Variants in EAF2 observed in about 807,000 individuals in gnomAD.
EAF2 encodes the protein ELL associated factor 2.
Under a neutral mutation model 29.4 loss-of-function variants are expected in EAF2, and 29 were observed. That is an observed-to-expected ratio of 0.99 (90% confidence interval 0.73 to 1.35). The LOEUF is 1.35. Among genes scored for constraint, EAF2 ranks in the 40% most tolerant of loss-of-function variants. The pLI, the probability that EAF2 is intolerant of heterozygous loss-of-function variation, is 0.00. For missense variants in EAF2, 292 were observed against 312.0 expected (o/e 0.94, Z 0.48); for synonymous variants, 103 against 102.5 (o/e 1.00, Z -0.03).
At chr3:121,873,420 A>G (rs1440539127) in intron 5 of EAF2, among the ~76,000 whole-genome samples, 1 of 151,750 alleles carries the variant, frequency 6.6e-6, no homozygotes, top group African/African-American at 2.4e-5. Flanking sequence ...TGCCTCCTCT[A>G]TATTTCTCAA....
chr3:121,880,455 G>GGTGTGTGTGT lies in EAF2; in HGVS notation c.737-5858_737-5849dup, dbSNP rs58834177. 1.4e-3 allele frequency among the ~76,000 whole-genome samples: 196 copies of GGTGTGTGTGT among 143,064 alleles called. 2 individuals are homozygous for GGTGTGTGTGT. Among genetic ancestry groups the GGTGTGTGTGT allele is most frequent in the African/African-American group, 4.8e-3 (183 of 37,760 alleles). 93.9% of individuals were successfully genotyped at this position (143,064 alleles called of 152,430 possible). A position where few individuals can be genotyped will look rare whatever the true frequency, so the allele number is the denominator to read the frequency against. ...ACTGTCCTGGACCTTAGTGTTTTGG[G>GGTGTGTGTGT]GTGTGTGTGTGTGTGTGTGTGTGTG... On this transcript the variant is annotated intron_variant, in intron 5 of 5. Coordinates refer to ENST00000273668, the MANE Select transcript of EAF2 (RefSeq NM_018456.6).
chr3:121,848,913 T>A lies in EAF2; in HGVS notation c.201+4366T>A, dbSNP rs768498274. 7.1e-4 allele frequency among the ~76,000 whole-genome samples: 107 copies of A among 151,614 alleles called. 1 individual carries two copies. Among genetic ancestry groups the A allele is most frequent in the Non-Finnish European group, 1.1e-3 (74 of 67,906 alleles). ...ACACAAAAAAAAGAGAATGAAAGAG[T>A]TATTTAGATCACCATCTGTCAAAAG... is the stretch of plus-strand genomic sequence containing the variant. On this transcript the variant is annotated intron_variant, in intron 2 of 5. Coordinates refer to ENST00000273668, the MANE Select transcript of EAF2 (RefSeq NM_018456.6).
chr3:121,857,199 T>C, intron 4 of EAF2, 43 bp downstream of exon 4: 1 of 1,524,946 alleles, frequency 6.6e-7, no homozygotes, highest in Non-Finnish European at 8.9e-7. Flanking sequence ...AAGAGATAAT[T>C]AAGAAATGTT....
intron 4 of EAF2, among the ~76,000 whole-genome samples, chr3:121,866,741 T>G (rs1303282824): frequency 6.7e-6 from 1 of 150,112 alleles, no homozygotes; most frequent in Admixed American, 6.7e-5. Context: ...ATAAAAAAAA[T>G]AAAAAATAAA....
intron 1 of EAF2, among the ~76,000 whole-genome samples, chr3:121,841,515 AAAAAAAAAAAAAAAAAAAAAAAAAAAAAG>A (rs1243000801): frequency 1.1e-4 from 4 of 37,860 alleles, no homozygotes; most frequent in Non-Finnish European, 9.1e-5. Context: ...AAAAAAAAAA[AAAAAAAAAAAAAAAAAAAAAAAAAAAAAG>A]AAAGAAAGAA....
At chr3:121,853,222 A>T (rs1194563919) in intron 2 of EAF2, among the ~76,000 whole-genome samples, 2 of 152,182 alleles carry the variant, frequency 1.3e-5, no homozygotes, top group Non-Finnish European at 2.9e-5. Context: ...CCATGCTATT[A>T]TCACAAATAA....
At position 121,886,444 on chromosome 3, in the gene EAF2, TAAC is replaced by T; in HGVS notation, c.*59_*61del. 9.2e-7 allele frequency: 1 copy of T among 1,086,090 alleles called. No homozygotes were observed. The highest frequency in any genetic ancestry group is 1.2e-6 in the Non-Finnish European group (1 of 800,118). 67.3% of individuals were successfully genotyped at this position (1,086,090 alleles called of 1,614,324 possible). A position where few individuals can be genotyped will look rare whatever the true frequency, so the allele number is the denominator to read the frequency against. On this transcript the variant is annotated 3_prime_UTR_variant, in exon 6 of 6. Transcript: ENST00000273668. ...ACAGCATGTATAATTTATTTTGTAT[TAAC>T]AATAAAAATTCCTAAGACTGAGGGA...
chr3:121,861,970 A>C (rs981683255), intron 4 of EAF2, among the ~76,000 whole-genome samples: 6 of 152,140 alleles, frequency 3.9e-5, no homozygotes, highest in East Asian at 1.9e-4. Context: ...GTTGCAAATT[A>C]TTTTCTTTAA....
intron 5 of EAF2, among the ~76,000 whole-genome samples, chr3:121,878,907 CA>C (rs1709146215): frequency 6.6e-6 from 1 of 152,116 alleles, no homozygotes; most frequent in African/African-American, 2.4e-5. Flanking sequence ...ATATACCTAG[CA>C]GTGAGATTGC....
At chr3:121,853,579 A>G (rs1423192863) in intron 2 of EAF2, among the ~76,000 whole-genome samples, 1 of 152,194 alleles carries the variant, frequency 6.6e-6, no homozygotes, top group Non-Finnish European at 1.5e-5. Flanking sequence ...CTGGTACTAC[A>G]GTGCCTGCAC....
chr3:121,885,434 T>C (rs1709266066), intron 5 of EAF2, among the ~76,000 whole-genome samples: 2 of 152,258 alleles, frequency 1.3e-5, no homozygotes, highest in Admixed American at 6.5e-5. Context: ...CAACCGGTTT[T>C]AAGTTAGTTG....
chr3:121,869,999 G>C (rs1035273733), intron 4 of EAF2, among the ~76,000 whole-genome samples: 1 of 152,162 alleles, frequency 6.6e-6, no homozygotes. Flanking sequence ...CTAAGGCGAA[G>C]TAAGCAACTT....
intron 4 of EAF2, among the ~76,000 whole-genome samples, chr3:121,861,519 C>T (rs556711139): frequency 2.6e-5 from 4 of 152,032 alleles, no homozygotes; most frequent in South Asian, 2.1e-4. Flanking sequence ...TTTCCATTTG[C>T]GTGGTAGATC....
intron 4 of EAF2, among the ~76,000 whole-genome samples, chr3:121,861,041 G>C (rs542532820): frequency 3.0e-4 from 46 of 152,250 alleles, no homozygotes; most frequent in African/African-American, 1.0e-3. Context: ...GAGACAGTTT[G>C]TTGTGATTTC....
chr3:121,874,689 G>A (rs1227453468), intron 5 of EAF2, among the ~76,000 whole-genome samples: 1 of 151,886 alleles, frequency 6.6e-6, no homozygotes, highest in Non-Finnish European at 1.5e-5. Context: ...TTTAAATCTA[G>A]AATAGTTTTT....
At position 121,857,147 on chromosome 3, in the gene EAF2, A is replaced by T. The variant is rs998297935; in HGVS notation, c.475A>T (p.Ile159Phe). The change falls in exon 4 of 6, where the codon ATC becomes TTC. Residue 159 changes from isoleucine to phenylalanine, a missense_variant. Physicochemically the swap from Ile to Phe is conservative, Grantham distance 21. Coordinates refer to ENST00000273668, the MANE Select transcript of EAF2 (RefSeq NM_018456.6). ...GTCCCCAGCATCTCCAATAGATGAT[A>T]TCGAAAGAGGTAAAATCTAAGTATA... ...KMSPASPIDD[I>F]ERELKAEASL... is the part of the protein sequence containing the mutation. 19 of 1,608,920 alleles carry T rather than the reference A, an allele frequency of 1.2e-5. No individual in the cohort carries two copies. Among genetic ancestry groups the T allele is most frequent in the Non-Finnish European group, 1.6e-5 (19 of 1,178,364 alleles).
rs1709235315 is a variant in EAF2 at position 121,884,041 on chromosome 3, G to A, written c.737-2301G>A. Among the ~76,000 whole-genome samples, 2 of 152,034 alleles carry A rather than the reference G, an allele frequency of 1.3e-5. 1 individual carries two copies. The highest frequency in any genetic ancestry group is 1.3e-4 in the Admixed American group (2 of 15,258). ...TTCTGTAAGTGGAAACTTAATCCTT[G>A]AAAATTATGAAATGCATCAGGCAAG... On this transcript the variant is annotated intron_variant, in intron 5 of 5. Coordinates refer to ENST00000273668, the MANE Select transcript of EAF2 (RefSeq NM_018456.6).
At position 121,886,382 on chromosome 3, in the gene EAF2, T is replaced by G. The variant is rs373626345; in HGVS notation, c.777T>G (p.Asp259Glu). The change falls in exon 6 of 6, where the codon GAT becomes GAG. Residue 259 changes from aspartate to glutamate, a missense_variant. By Grantham distance (45) the Asp-to-Glu change is conservative. Transcript: ENST00000273668. ...TGAGTGAATCAGGAAGTGACAGTGA[T>G]GACTGAAGAAATATTTAGCTATAAA... is the stretch of plus-strand genomic sequence containing the variant. ...LQLSESGSDS[D>E]D 118 of 1,467,810 alleles carry G rather than the reference T, an allele frequency of 8.0e-5. No homozygotes were observed. The highest frequency in any genetic ancestry group is 9.7e-5 in the Non-Finnish European group (107 of 1,102,258). 90.9% of individuals were successfully genotyped at this position (1,467,810 alleles called of 1,614,324 possible).
intron 1 of EAF2, among the ~76,000 whole-genome samples, chr3:121,839,172 G>T (rs767957061): frequency 3.3e-5 from 5 of 152,198 alleles, no homozygotes; most frequent in Non-Finnish European, 7.3e-5. Flanking sequence ...TCTTGAGTTA[G>T]TTGCAAATAC....
Sources: gnomAD v4.1 joint callset for allele counts (sites outside exome capture counted in the v4.1 genomes callset) on GRCh38, gnomAD v4.1.1 for gene constraint, MANE v1.5 for transcripts, NCBI Gene and HGNC (gene_info 2026-07-23, HGNC 2026-07-21) for gene names.